Variants in RAB22A observed in about 807,000 individuals in gnomAD.
RAB22A encodes the protein RAB22A, member RAS oncogene family, also known as ras-related protein Rab-22A.
Under a neutral mutation model 30.2 loss-of-function variants are expected in RAB22A, and 13 were observed. The observed-to-expected ratio is 0.43, with a 90% confidence interval of 0.28 to 0.68. The LOEUF (loss-of-function observed/expected upper bound fraction) is 0.68, where lower values mean the gene tolerates loss of function less well. Among genes scored for constraint, RAB22A ranks in the 30% least tolerant of loss-of-function variants. RAB22A has a pLI of 0.18. For synonymous variants in RAB22A, 89 were observed against 87.2 expected (o/e 1.02, Z -0.11); for missense variants, 177 against 246.8 (o/e 0.72, Z 1.89).
At chr20:58,340,882 G>A (rs1388537347) in intron 2 of RAB22A, among the ~76,000 whole-genome samples, 12 of 152,158 alleles carry the variant, frequency 7.9e-5, no homozygotes, top group Admixed American at 7.9e-4. Flanking sequence ...GGGAGAGCCA[G>A]TGGGAAAGCA....
intron 2 of RAB22A, among the ~76,000 whole-genome samples, chr20:58,319,158 T>C (rs1220507468): frequency 2.6e-5 from 4 of 152,054 alleles, no homozygotes; most frequent in Admixed American, 2.6e-4. Flanking sequence ...AAAAAAAGAT[T>C]CTTGACCCTT....
chr20:58,343,922 T>G (rs926613016), intron 3 of RAB22A, 123 bp downstream of exon 3: 28 of 817,786 alleles, frequency 3.4e-5, no homozygotes, highest in Admixed American at 1.4e-4. Context: ...ACACATTTAT[T>G]TCCATTTGCG....
chr20:58,336,407 C>G (rs1986755249), intron 2 of RAB22A, among the ~76,000 whole-genome samples: 1 of 152,164 alleles, frequency 6.6e-6, no homozygotes, highest in Non-Finnish European at 1.5e-5. Flanking sequence ...ACAGGGCTTA[C>G]TGTTCCCCAA....
chr20:58,316,279 G>A (rs777604106), intron 2 of RAB22A, among the ~76,000 whole-genome samples: 4 of 151,986 alleles, frequency 2.6e-5, no homozygotes, highest in African/African-American at 4.8e-5. Context: ...AGGTCCCCTC[G>A]TTCATCTTCT....
intron 2 of RAB22A, among the ~76,000 whole-genome samples, chr20:58,329,550 G>A (rs1986629063): frequency 6.6e-6 from 1 of 151,866 alleles, no homozygotes; most frequent in Non-Finnish European, 1.5e-5. Context: ...TTTATCTTTT[G>A]TTTTCAGTAA....
rs532633221 is a variant in RAB22A at position 58,324,110 on chromosome 20, A to G, written c.116+12988A>G. Among the ~76,000 whole-genome samples, 209 of 152,216 alleles carry G rather than the reference A, an allele frequency of 1.4e-3. 1 individual carries two copies. Among genetic ancestry groups the G allele is most frequent in the African/African-American group, 4.8e-3 (200 of 41,554 alleles). Reference sequence around the variant, plus strand: ...CTTGCCTGATAAAACTGGTTGAGAAACTTCTGTGGAAGAGACTGTATAAAA... The same window carrying G: ...CTTGCCTGATAAAACTGGTTGAGAAGCTTCTGTGGAAGAGACTGTATAAAA... On this transcript the variant is annotated intron_variant, in intron 2 of 6. Transcript: ENST00000244040.
rs201641714 is a variant in RAB22A, at chr20:58,354,211, G to A, written c.433G>A (p.Val145Ile). Residue 145 changes from valine (V) to isoleucine (I), a missense_variant, in exon 6 of 7, where the codon GTA becomes ATA. Transcript: ENST00000244040. ...CGCCGACTCTATTCATGCAATTTTT[G>A]TAGAGACCAGCGCAAAAAACGCGAT... The part of the protein sequence containing the change: ...DYADSIHAIF[V>I]ETSAKNAINI... The A allele has an allele frequency of 1.6e-5, 26 of 1,613,862 alleles. No homozygotes were observed. In the East Asian group the frequency reaches 4.7e-4, roughly 29 times the overall value.
intron 2 of RAB22A, among the ~76,000 whole-genome samples, chr20:58,315,177 T>C (rs1986310590): frequency 6.6e-6 from 1 of 152,146 alleles, no homozygotes; most frequent in African/African-American, 2.4e-5. Context: ...CCTTCCTGCT[T>C]CATAACCGTG....
chr20:58,352,984 A>G (rs1305268615), intron 3 of RAB22A, among the ~76,000 whole-genome samples: 1 of 152,260 alleles, frequency 6.6e-6, no homozygotes, highest in Non-Finnish European at 1.5e-5. Context: ...TGGGAATTAT[A>G]ACATTGAGTT....
intron 2 of RAB22A, among the ~76,000 whole-genome samples, chr20:58,332,062 A>G (rs570887025): frequency 2.0e-5 from 3 of 152,334 alleles, no homozygotes; most frequent in African/African-American, 4.8e-5. Context: ...GGCATATTAT[A>G]TCCTTTAAAT....
At chr20:58,339,194 T>C (rs954469874) in intron 2 of RAB22A, among the ~76,000 whole-genome samples, 2 of 152,230 alleles carry the variant, frequency 1.3e-5, no homozygotes, top group South Asian at 2.1e-4. Flanking sequence ...TAGAATGCCA[T>C]GATAAATGGA....
rs1338060822 is a variant in RAB22A, at chr20:58,353,354, T to C, written c.270+10T>C. ...TGATATCACAAAAGAAGTAAGACTA[T>C]ATAGTTTTCTTTAGATTGTTTTGAA... On this transcript the variant is annotated intron_variant, in intron 4 of 6. Coordinates refer to ENST00000244040, the MANE Select transcript of RAB22A (RefSeq NM_020673.3). The C allele has an allele frequency of 5.0e-6, 8 of 1,612,334 alleles. No homozygotes were observed. The highest frequency in any genetic ancestry group is 1.1e-5 in the South Asian group (1 of 90,884).
chr20:58,329,648 A>G (rs567498890), intron 2 of RAB22A, among the ~76,000 whole-genome samples: 142 of 152,318 alleles, frequency 9.3e-4, no homozygotes, highest in African/African-American at 3.3e-3. Context: ...AAAATTTGGG[A>G]CATTTGCATC....
chr20:58,318,139 A>G (rs1428735344), intron 2 of RAB22A, among the ~76,000 whole-genome samples: 2 of 152,266 alleles, frequency 1.3e-5, no homozygotes, highest in Non-Finnish European at 2.9e-5. Flanking sequence ...AAGTGCTAGG[A>G]TTAGGCATGA....
Position 58,354,074 on chromosome 20 carries a change from A to G in RAB22A, c.378-82A>G. The G allele has an allele frequency of 3.2e-6, 3 of 927,942 alleles. No individual in the cohort carries two copies. The Admixed American group carries it at 7.0e-5, about 22-fold the overall frequency. The allele number at this position is 927,942 out of a possible 1,614,324, so 57.5% of individuals were successfully genotyped here. On this transcript the variant is annotated intron_variant, in intron 5 of 6. Coordinates refer to ENST00000244040, the MANE Select transcript of RAB22A (RefSeq NM_020673.3). ...TTTAGTCCATCCTTTGTCATCATAA[A>G]TCTGGTTAACTACTGGGTAGGTGGG... is the stretch of plus-strand genomic sequence containing the variant.
At chr20:58,335,012 A>G (rs1375621133) in intron 2 of RAB22A, among the ~76,000 whole-genome samples, 2 of 152,238 alleles carry the variant, frequency 1.3e-5, no homozygotes, top group Non-Finnish European at 2.9e-5. Context: ...ACTTGAAACA[A>G]CTTAAATCTC....
At chr20:58,358,711 A>T (rs1987174044) in intron 6 of RAB22A, among the ~76,000 whole-genome samples, 1 of 152,168 alleles carries the variant, frequency 6.6e-6, no homozygotes, top group South Asian at 2.1e-4. Context: ...CCTGGCCAAC[A>T]TGGCGAAACC....
chr20:58,355,204 T>C (rs562506646), intron 6 of RAB22A, among the ~76,000 whole-genome samples: 5 of 152,174 alleles, frequency 3.3e-5, no homozygotes, highest in South Asian at 2.1e-4. Context: ...TTTGCCATTG[T>C]GTCGAGGAGG....
intron 2 of RAB22A, among the ~76,000 whole-genome samples, chr20:58,316,450 C>G (rs561706956): frequency 6.6e-6 from 1 of 152,300 alleles, no homozygotes; most frequent in Admixed American, 6.5e-5. Flanking sequence ...ATTTTCAAAG[C>G]TGAGGCTTTT....
Sources: gnomAD v4.1 joint callset for allele counts (sites outside exome capture counted in the v4.1 genomes callset) on GRCh38, gnomAD v4.1.1 for gene constraint, MANE v1.5 for transcripts, NCBI Gene and HGNC (gene_info 2026-07-23, HGNC 2026-07-21) for gene names.